Variants in FIRRM observed in about 807,000 individuals in gnomAD.
The protein encoded by FIRRM is FIGNL1-interacting regulator of recombination and mitosis.
At chr1:169,784,227 A>G in the FIRRM span, among the ~76,000 whole-genome samples, 2 of 152,184 alleles carry the variant, frequency 1.3e-5, no homozygotes, top group Admixed American at 1.3e-4. Context: ...AACTGAGGTC[A>G]AATGTAGGGT....
the FIRRM span, chr1:169,849,719 G>T: frequency 1.3e-6 from 1 of 757,032 alleles, no homozygotes; most frequent in East Asian, 2.7e-5. Flanking sequence ...TCGGAAAATT[G>T]TCTGAAGGGT....
the FIRRM span, among the ~76,000 whole-genome samples, chr1:169,816,587 G>A: frequency 6.6e-6 from 1 of 152,162 alleles, no homozygotes; most frequent in East Asian, 1.9e-4. Flanking sequence ...GGCTTTGATG[G>A]AACTCTGTTT....
the FIRRM span, chr1:169,795,184 G>T: frequency 6.5e-7 from 1 of 1,536,104 alleles, no homozygotes; most frequent in Non-Finnish European, 8.7e-7. Context: ...ATGCCGCCGG[G>T]AACTGCCGTC....
the FIRRM span, chr1:169,806,180 C>A: frequency 1.3e-6 from 1 of 751,170 alleles, no homozygotes; most frequent in South Asian, 1.8e-5. Flanking sequence ...GCATTTAAAA[C>A]ATTTTGTGTG....
the FIRRM span, among the ~76,000 whole-genome samples, chr1:169,809,036 A>G: frequency 6.6e-6 from 1 of 152,152 alleles, no homozygotes; most frequent in Non-Finnish European, 1.5e-5. Flanking sequence ...CCAGTCAGCT[A>G]TGGGGGTGAA....
chr1:169,853,979 C>T, the FIRRM span: 2 of 629,632 alleles, frequency 3.2e-6, no homozygotes. Flanking sequence ...TTTCAAAAAC[C>T]ATAAAATCCA....
the FIRRM span, chr1:169,795,233 A>G: frequency 6.5e-7 from 1 of 1,533,306 alleles, no homozygotes; most frequent in Non-Finnish European, 8.7e-7. Context: ...CTTGGTTGTC[A>G]CTTCTACCTA....
chr1:169,826,051 C>A, the FIRRM span: 1 of 296,480 alleles, frequency 3.4e-6, no homozygotes, highest in Non-Finnish European at 7.0e-6. Context: ...GTAAATTCAG[C>A]ATTCTGCCTA....
chr1:169,853,995 A>G, the FIRRM span: 2 of 612,810 alleles, frequency 3.3e-6, no homozygotes, highest in Non-Finnish European at 5.6e-6. Context: ...ATCCAGTAAA[A>G]ATCAGTGTGG....
the FIRRM span, chr1:169,852,390 TTAGTA>T: frequency 1.4e-4 from 38 of 276,520 alleles, no homozygotes; most frequent in Non-Finnish European, 1.9e-4. Flanking sequence ...TTGAGCACTA[TTAGTA>T]TAGTAATTAG....
At chr1:169,832,637 C>T in the FIRRM span, 9 of 645,902 alleles carry the variant, frequency 1.4e-5, no homozygotes, top group Non-Finnish European at 2.3e-5. Context: ...GAGTCTCGCT[C>T]TGTCACCCAG....
chr1:169,847,437 T>G, the FIRRM span, among the ~76,000 whole-genome samples: 3 of 151,624 alleles, frequency 2.0e-5, no homozygotes, highest in African/African-American at 7.3e-5. Flanking sequence ...TTCAGAAACA[T>G]GTATACTTTT....
chr1:169,797,285 C>T, the FIRRM span, among the ~76,000 whole-genome samples: 1 of 152,130 alleles, frequency 6.6e-6, no homozygotes, highest in African/African-American at 2.4e-5. Flanking sequence ...ATCTACAATG[C>T]CATTACCCCC....
the FIRRM span, among the ~76,000 whole-genome samples, chr1:169,800,654 T>G: frequency 6.6e-6 from 1 of 152,056 alleles, no homozygotes; most frequent in Non-Finnish European, 1.5e-5. Context: ...ATTCAATAGA[T>G]GTACACACAC....
At chr1:169,807,152 C>G in the FIRRM span, among the ~76,000 whole-genome samples, 1 of 152,164 alleles carries the variant, frequency 6.6e-6, no homozygotes, top group African/African-American at 2.4e-5. Context: ...ATGCTGCTCT[C>G]CCTACTCTTA....
the FIRRM span, among the ~76,000 whole-genome samples, chr1:169,840,074 A>G: frequency 6.6e-6 from 1 of 152,108 alleles, no homozygotes; most frequent in African/African-American, 2.4e-5. Context: ...ATTGTGTTTC[A>G]TTGATCCATT....
the FIRRM span, among the ~76,000 whole-genome samples, chr1:169,848,791 CA>C: frequency 6.6e-6 from 1 of 152,152 alleles, no homozygotes; most frequent in East Asian, 1.9e-4. Flanking sequence ...AATTATGAAA[CA>C]AATGTTTTAT....
At chr1:169,826,029 TATTA>T in the FIRRM span, 4 of 268,710 alleles carry the variant, frequency 1.5e-5, no homozygotes, top group African/African-American at 4.4e-5. Context: ...AGAAACTGAG[TATTA>T]ATTCATAGTA....
chr1:169,803,821 A>T, the FIRRM span, among the ~76,000 whole-genome samples: 2 of 152,148 alleles, frequency 1.3e-5, no homozygotes, highest in Non-Finnish European at 2.9e-5. Flanking sequence ...TGCTGATAGG[A>T]TGCTAAAAAT....
Sources: allele counts gnomAD v4.1 joint callset (sites outside exome capture counted in the v4.1 genomes callset), GRCh38; gene constraint gnomAD v4.1.1; transcripts MANE v1.5; gene names NCBI Gene and HGNC (gene_info 2026-07-23, HGNC 2026-07-21).